TRABD2A: variants seen among roughly 807,000 people sequenced by gnomAD.
TRABD2A encodes metalloprotease TIKI1.
TRABD2A carries 43 observed loss-of-function variants against 45.6 expected under a neutral mutation model. The ratio of observed to expected loss-of-function variants is 0.94; its 90% confidence interval spans 0.74 to 1.22. The LOEUF is 1.22. TRABD2A is among the 50% of genes most tolerant of loss of function. The pLI, the probability that TRABD2A is intolerant of heterozygous loss-of-function variation, is 0.00. For missense variants in TRABD2A, 642 were observed against 652.4 expected, an observed-to-expected ratio of 0.98 and a Z score of 0.17; for synonymous variants, 269 against 265.0, an observed-to-expected ratio of 1.02 and a Z score of -0.15.
chr2:84,861,658 C>G (rs1237275864), intron 2 of TRABD2A, among the ~76,000 whole-genome samples: 1 of 152,162 alleles, frequency 6.6e-6, no homozygotes, highest in Non-Finnish European at 1.5e-5. Flanking sequence ...TGTCAACAAC[C>G]ATCGGCAGCC....
chr2:84,870,599 G>A lies in TRABD2A; in HGVS notation c.295C>T (p.Leu99Phe), dbSNP rs1277559741. ...DLTDPYTISALTSCQMLPQGE... is the reference protein window; with the variant it reads ...DLTDPYTISAFTSCQMLPQGE... ...TGTGGCAGCATCTGACAGCTGGTGA[G>A]AGCTGAGATGGTATAGGGGTCTGTG... Residue 99 changes from leucine (L) to phenylalanine (F), a missense_variant, in exon 2 of 7, where the codon CTC becomes TTC. Leu to Phe is a conservative substitution (Grantham distance 22, BLOSUM62 0). Coordinates refer to ENST00000409520, the MANE Select transcript of TRABD2A (RefSeq NM_001277053.2). 3.7e-6 allele frequency: 6 copies of A among 1,613,530 alleles called. No homozygotes were observed. The African/African-American group carries it at 5.3e-5, about 14-fold the overall frequency.
In TRABD2A at chr2:84,842,014, G is replaced by T. The variant is rs1211834967; in HGVS notation, c.670-7C>A. 1 of 1,489,320 alleles carries T rather than the reference G, an allele frequency of 6.7e-7. No homozygotes were observed. Among genetic ancestry groups the T allele is most frequent in the Non-Finnish European group, 8.9e-7 (1 of 1,119,030 alleles). The allele number at this position is 1,489,320 out of a possible 1,614,324, so 92.3% of individuals were successfully genotyped here. A position where few individuals can be genotyped will look rare whatever the true frequency, so the allele number is the denominator to read the frequency against. On this transcript the variant is annotated splice_region_variant and splice_polypyrimidine_tract_variant and intron_variant, in intron 2 of 6. Transcript: ENST00000409520. ...GGTTCAAAGCAAAGATGACCTAAAA[G>T]AAAGGTCTCTTTTAAGTTCACTAAC... is the stretch of plus-strand genomic sequence containing the variant.
intron 5 of TRABD2A, 24 bp downstream of exon 5, chr2:84,832,031 A>G (rs773668858): frequency 1.2e-6 from 2 of 1,613,572 alleles, no homozygotes; most frequent in Non-Finnish European, 1.7e-6. Context: ...CTCCCCAGCC[A>G]AGATAGAAGC....
At chr2:84,860,410 A>G (rs562818881) in intron 2 of TRABD2A, among the ~76,000 whole-genome samples, 1 of 152,334 alleles carries the variant, frequency 6.6e-6, no homozygotes, top group South Asian at 2.1e-4. Context: ...GAAGACGTGA[A>G]GACAGAAGGA....
At chr2:84,823,717 G>A (rs563347481) in intron 6 of TRABD2A, among the ~76,000 whole-genome samples, 27 of 152,236 alleles carry the variant, frequency 1.8e-4, no homozygotes, top group African/African-American at 6.5e-4. Flanking sequence ...ATCCTACCCC[G>A]AAACTTGTTC....
At chr2:84,871,288 C>G (rs1301130184) in intron 1 of TRABD2A, among the ~76,000 whole-genome samples, 2 of 152,166 alleles carry the variant, frequency 1.3e-5, no homozygotes, top group South Asian at 4.1e-4. Context: ...TAAGAGACAC[C>G]TGAGAAGCCC....
chr2:84,838,929 G>A, intron 4 of TRABD2A: 2 of 534,648 alleles, frequency 3.7e-6, no homozygotes, highest in Non-Finnish European at 3.3e-6. Flanking sequence ...AGCTATGGGT[G>A]ATGTCACATG....
chr2:84,854,311 G>GGGCT (rs1413823430), intron 2 of TRABD2A, among the ~76,000 whole-genome samples: 1 of 152,026 alleles, frequency 6.6e-6, no homozygotes, highest in Admixed American at 6.5e-5. Context: ...GATACTGAGG[G>GGGCT]ACAACTGTAC....
intron 4 of TRABD2A, chr2:84,835,215 A>C (rs932159589): frequency 7.0e-5 from 9 of 129,164 alleles, no homozygotes; most frequent in Non-Finnish European, 1.4e-4. Context: ...AAGACAAAAA[A>C]TACTAGAGGA....
chr2:84,843,973 C>T (rs1681799148), intron 2 of TRABD2A: 1 of 152,262 alleles, frequency 6.6e-6, no homozygotes, highest in Non-Finnish European at 1.5e-5. Flanking sequence ...CCCCTCCATC[C>T]TCTCTTCTCT....
intron 4 of TRABD2A, chr2:84,836,977 A>C: frequency 6.9e-6 from 1 of 144,036 alleles, no homozygotes; most frequent in East Asian, 2.0e-4. Context: ...AGATATGGTT[A>C]ATTTTAGGGT....
In TRABD2A at chr2:84,876,013, A is replaced by T. The variant is rs564917670; in HGVS notation, c.108+4919T>A. On this transcript the variant is annotated intron_variant, in intron 1 of 6. Coordinates refer to ENST00000409520, the MANE Select transcript of TRABD2A (RefSeq NM_001277053.2). ...ATCTCAAAATTAAAAAAAAAAAAAAAGGAAAGAAAACAGGACTTCCTGATG... is the reference window on the plus strand; with the variant it reads ...ATCTCAAAATTAAAAAAAAAAAAAATGGAAAGAAAACAGGACTTCCTGATG... 1.6e-4 allele frequency among the ~76,000 whole-genome samples: 24 copies of T among 151,224 alleles called. 2 individuals carry two copies. The South Asian group carries it at 5.0e-3, about 32-fold the overall frequency.
chr2:84,854,158 G>A (rs948277315), intron 2 of TRABD2A, among the ~76,000 whole-genome samples: 2 of 151,866 alleles, frequency 1.3e-5, no homozygotes, highest in African/African-American at 4.8e-5. Context: ...ATTGTATTAT[G>A]TATTGTAAGT....
intron 1 of TRABD2A, chr2:84,879,727 G>T: frequency 2.3e-6 from 1 of 427,250 alleles, no homozygotes; most frequent in Non-Finnish European, 3.1e-6. Flanking sequence ...ACCATGCCTG[G>T]TGCAGACTCC....
chr2:84,852,606 G>A (rs1011797687), intron 2 of TRABD2A, among the ~76,000 whole-genome samples: 2 of 152,172 alleles, frequency 1.3e-5, no homozygotes, highest in Non-Finnish European at 2.9e-5. Context: ...GGAGGAGGGT[G>A]TTGCAGCTTG....
rs1413830077 is a variant in TRABD2A at position 84,863,620 on chromosome 2, T to C, written c.669+6605A>G. On this transcript the variant is annotated intron_variant, in intron 2 of 6. Coordinates refer to ENST00000409520, the MANE Select transcript of TRABD2A (RefSeq NM_001277053.2). ...TTCTTTTTTTTTTTTTTTTTTTTTT[T>C]TGTCTTTTTGAGACAGAGTCTCGCT... Among the ~76,000 whole-genome samples, 12 of 122,978 alleles carry C rather than the reference T, an allele frequency of 9.8e-5. No homozygotes were observed. The East Asian group carries it at 2.5e-3, about 25-fold the overall frequency. 80.7% of individuals were successfully genotyped at this position (122,978 alleles called of 152,430 possible). A position where few individuals can be genotyped will look rare whatever the true frequency, so the allele number is the denominator to read the frequency against.
intron 2 of TRABD2A, among the ~76,000 whole-genome samples, chr2:84,858,330 G>A (rs1682383204): frequency 6.6e-6 from 1 of 151,906 alleles, no homozygotes; most frequent in African/African-American, 2.4e-5. Context: ...CTGCCACCCT[G>A]TGGCCAGCAG....
At chr2:84,870,078 CTT>C in intron 2 of TRABD2A, 145 bp downstream of exon 2, 2 of 814,090 alleles carry the variant, frequency 2.5e-6, no homozygotes, top group Non-Finnish European at 3.8e-6. Context: ...GACCACTTGG[CTT>C]TTTTTTTAAC....
At chr2:84,860,241 C>T (rs1573943474) in intron 2 of TRABD2A, among the ~76,000 whole-genome samples, 2 of 152,268 alleles carry the variant, frequency 1.3e-5, no homozygotes, top group South Asian at 4.2e-4. Flanking sequence ...CTGTGTACCC[C>T]TTAAGTTCAT....
Sources: gnomAD v4.1 joint callset for allele counts (sites outside exome capture counted in the v4.1 genomes callset) on GRCh38, gnomAD v4.1.1 for gene constraint, MANE v1.5 for transcripts, NCBI Gene and HGNC (gene_info 2026-07-23, HGNC 2026-07-21) for gene names.